MINDY4: variants seen among roughly 807,000 people sequenced by gnomAD.
The protein encoded by MINDY4 is MINDY lysine 48 deubiquitinase 4.
In MINDY4, 68 loss-of-function variants were observed where a neutral mutation model predicts 87.0. The ratio of observed to expected loss-of-function variants is 0.78; its 90% CI spans 0.64 to 0.96. The LOEUF is 0.96. Ranked by LOEUF, MINDY4 falls within the 40% of genes least tolerant of loss-of-function variation. The pLI is 0.00. For missense variants in MINDY4, 919 were observed against 928.2 expected, an observed-to-expected ratio of 0.99 and a Z score of 0.13; for synonymous variants, 379 against 363.2, an observed-to-expected ratio of 1.04 and a Z score of -0.50.
chr7:30,820,622 C>T (rs572140906), intron 5 of MINDY4, among the ~76,000 whole-genome samples: 1 of 152,360 alleles, frequency 6.6e-6, no homozygotes, highest in South Asian at 2.1e-4. Flanking sequence ...GCTTCTTTCA[C>T]TTAACATAAT....
intron 7 of MINDY4, among the ~76,000 whole-genome samples, chr7:30,838,343 C>G (rs1788926203): frequency 6.6e-6 from 1 of 152,098 alleles, no homozygotes; most frequent in Non-Finnish European, 1.5e-5. Flanking sequence ...GTGGGAACCC[C>G]TTCACTGGGG....
chr7:30,873,244 C>T lies in MINDY4; in HGVS notation c.1809+938C>T, dbSNP rs576450936. 5.3e-5 allele frequency among the ~76,000 whole-genome samples: 8 copies of T among 152,350 alleles called. No individual in the cohort carries two copies. In the South Asian group the frequency reaches 6.2e-4, roughly 12 times the overall value. On this transcript the variant is annotated intron_variant, in intron 14 of 17. Transcript: ENST00000265299. ...CTCTTCTGGCTGCCCGGGGTGGCCT[C>T]ACTCTCACTCCAGGCATCTGCCTGC...
chr7:30,826,947 C>T (rs773903847), intron 5 of MINDY4, among the ~76,000 whole-genome samples: 43 of 152,116 alleles, frequency 2.8e-4, no homozygotes, highest in Non-Finnish European at 2.2e-4. Flanking sequence ...GATGGGGACT[C>T]TTTGAAGAAT....
At chr7:30,784,109 C>CA (rs1787082331) in intron 3 of MINDY4, among the ~76,000 whole-genome samples, 1 of 151,938 alleles carries the variant, frequency 6.6e-6, no homozygotes, top group African/African-American at 2.4e-5. Context: ...GGCACCATGA[C>CA]AAGCAATTAG....
At chr7:30,877,764 T>C (rs996373436) in intron 15 of MINDY4, among the ~76,000 whole-genome samples, 1 of 138,354 alleles carries the variant, frequency 7.2e-6, no homozygotes, top group Non-Finnish European at 1.5e-5. Flanking sequence ...CTCTGCCTCC[T>C]CTGTTCAAGC....
intron 13 of MINDY4, among the ~76,000 whole-genome samples, chr7:30,870,251 G>A (rs1413348923): frequency 6.6e-6 from 1 of 152,188 alleles, no homozygotes; most frequent in African/African-American, 2.4e-5. Flanking sequence ...TATGAAGATT[G>A]GACTGCTTCT....
intron 17 of MINDY4, among the ~76,000 whole-genome samples, chr7:30,891,617 A>T (rs1194232474): frequency 6.6e-6 from 1 of 152,156 alleles, no homozygotes; most frequent in Non-Finnish European, 1.5e-5. Flanking sequence ...GTCCTAGTGG[A>T]GAGCGGCTGG....
At chr7:30,843,231 A>G (rs1373999280) in intron 9 of MINDY4, among the ~76,000 whole-genome samples, 1 of 152,222 alleles carries the variant, frequency 6.6e-6, no homozygotes, top group Non-Finnish European at 1.5e-5. Context: ...GCAGAATGGT[A>G]TTCCAGTAAA....
intron 15 of MINDY4, among the ~76,000 whole-genome samples, chr7:30,881,890 T>C (rs1173321520): frequency 1.3e-5 from 2 of 151,932 alleles, no homozygotes; most frequent in African/African-American, 2.4e-5. Flanking sequence ...GGATGCAGAA[T>C]GAGCAGTACT....
Position 30,882,232 on chromosome 7 carries a change from G to A in MINDY4, c.2023G>A (p.Glu675Lys). The A allele has an allele frequency of 1.2e-6, 2 of 1,613,866 alleles. No individual in the cohort carries two copies. Among genetic ancestry groups the A allele is most frequent in the East Asian group, 2.2e-5 (1 of 44,870 alleles). Residue 675 changes from glutamate (E) to lysine (K), a missense_variant, in exon 16 of 18, where the codon GAG (glutamate) becomes AAG (lysine). Physicochemically the swap from Glu to Lys is moderately conservative, Grantham distance 56 (BLOSUM62 1). Transcript: ENST00000265299. ...GTTCCCCATCTGGGTGGTTTGCAGTGAGAGCCACTTCAGCATCCTCTTTAG... is the reference window on the plus strand; with the variant it reads ...GTTCCCCATCTGGGTGGTTTGCAGTAAGAGCCACTTCAGCATCCTCTTTAG... ...PRFPIWVVCS[E>K]SHFSILFSLQ...
intron 10 of MINDY4, among the ~76,000 whole-genome samples, chr7:30,851,630 G>A (rs1386185615): frequency 6.6e-6 from 1 of 152,208 alleles, no homozygotes; most frequent in Admixed American, 6.5e-5. Flanking sequence ...AGGATCTGCA[G>A]GGCAGCCCTG....
chr7:30,853,212 C>A (rs1789468815), intron 11 of MINDY4, among the ~76,000 whole-genome samples, 182 bp from the exon 12 acceptor site: 1 of 152,228 alleles, frequency 6.6e-6, no homozygotes, highest in Admixed American at 6.5e-5. Flanking sequence ...ACCGGCCAGC[C>A]TTTCACTCAC....
At chr7:30,787,982 A>G (rs928976264) in intron 4 of MINDY4, among the ~76,000 whole-genome samples, 5 of 152,252 alleles carry the variant, frequency 3.3e-5, no homozygotes, top group Non-Finnish European at 5.9e-5. Context: ...AACCTGTTGC[A>G]TGTAACATGG....
intron 13 of MINDY4, among the ~76,000 whole-genome samples, chr7:30,864,205 A>G (rs1789859542): frequency 6.6e-6 from 1 of 152,248 alleles, no homozygotes; most frequent in Non-Finnish European, 1.5e-5. Flanking sequence ...AGCACAAGCT[A>G]GGTGCTGAGG....
chr7:30,890,160 G>A (rs1420771355), intron 17 of MINDY4, among the ~76,000 whole-genome samples: 1 of 152,228 alleles, frequency 6.6e-6, no homozygotes, highest in Admixed American at 6.5e-5. Context: ...TAACATTCCT[G>A]GCTGAGCGTG....
intron 12 of MINDY4, chr7:30,858,964 T>G: frequency 9.1e-6 from 6 of 655,790 alleles, no homozygotes; most frequent in Admixed American, 2.1e-5. Context: ...TGCACCATAA[T>G]GGAGCTGGCC....
chr7:30,779,424 G>A (rs889149433), intron 2 of MINDY4: 5 of 152,192 alleles, frequency 3.3e-5, no homozygotes, highest in African/African-American at 9.7e-5. Context: ...GGGCTGTCCA[G>A]CAAATGTTGC....
chr7:30,771,861 G>C (rs1283678228), intron 1 of MINDY4, among the ~76,000 whole-genome samples: 1 of 152,230 alleles, frequency 6.6e-6, no homozygotes, highest in Non-Finnish European at 1.5e-5. Context: ...GCCGCGCCAA[G>C]CAATCCTAGC....
intron 1 of MINDY4, among the ~76,000 whole-genome samples, chr7:30,772,791 C>T (rs1381888071): frequency 6.6e-6 from 1 of 152,110 alleles, no homozygotes; most frequent in East Asian, 1.9e-4. Flanking sequence ...ATTGACACAC[C>T]CTGGAAAGCT....
Sources: allele counts gnomAD v4.1 joint callset (sites outside exome capture counted in the v4.1 genomes callset), GRCh38; gene constraint gnomAD v4.1.1; transcripts MANE v1.5; gene names NCBI Gene and HGNC (gene_info 2026-07-23, HGNC 2026-07-21).